Variants in ZNF212 observed in about 807,000 individuals in gnomAD.
The protein encoded by ZNF212 is Zinc finger protein C2H2-150.
Under a neutral mutation model 47.3 loss-of-function variants are expected in ZNF212, and 32 were observed. That is an observed-to-expected ratio of 0.68 (90% CI 0.51 to 0.91). ZNF212 has a LOEUF of 0.91. Among genes scored for constraint, ZNF212 ranks in the 40% least tolerant of loss-of-function variants. The pLI is 0.00. For missense variants in ZNF212, 555 were observed against 622.8 expected, an observed-to-expected ratio of 0.89 and a Z score of 1.16; for synonymous variants, 242 against 253.8, an observed-to-expected ratio of 0.95 and a Z score of 0.44.
At chr7:149,243,735 A>G (rs1796633798) in intron 1 of ZNF212, among the ~76,000 whole-genome samples, 1 of 152,202 alleles carries the variant, frequency 6.6e-6, no homozygotes, top group Admixed American at 6.5e-5. Context: ...TCACTGTTAT[A>G]ATAGGAGATT....
chr7:149,246,813 CTTTT>C (rs71194633), intron 1 of ZNF212, among the ~76,000 whole-genome samples: 3 of 103,588 alleles, frequency 2.9e-5, no homozygotes, highest in Admixed American at 1.2e-4. Context: ...TGTCTGAATT[CTTTT>C]TTTTTTTTTT....
intron 1 of ZNF212, among the ~76,000 whole-genome samples, chr7:149,245,514 G>A (rs779920118): frequency 5.7e-4 from 86 of 152,068 alleles, no homozygotes; most frequent in Non-Finnish European, 9.9e-4. Context: ...GAGTGAGACC[G>A]TGTCTTTATT....
chr7:149,239,863 G>C, intron 1 of ZNF212, 61 bp downstream of exon 1: 1 of 1,260,712 alleles, frequency 7.9e-7, no homozygotes, highest in Non-Finnish European at 1.0e-6. Flanking sequence ...TCCCCTGCCG[G>C]GGGCGGGGCT....
chr7:149,240,619 A>C (rs1751600985), intron 1 of ZNF212, among the ~76,000 whole-genome samples: 1 of 152,188 alleles, frequency 6.6e-6, no homozygotes, highest in South Asian at 2.1e-4. Flanking sequence ...GTTTCCTTCC[A>C]GCTCCGACAT....
intron 1 of ZNF212, among the ~76,000 whole-genome samples, chr7:149,244,624 T>C (rs1212815522): frequency 2.0e-5 from 3 of 152,326 alleles, no homozygotes; most frequent in African/African-American, 7.2e-5. Context: ...GAAATGATTT[T>C]TTTAATCCAT....
chr7:149,245,291 G>A (rs1032812690), intron 1 of ZNF212, among the ~76,000 whole-genome samples: 2 of 149,564 alleles, frequency 1.3e-5, no homozygotes, highest in Non-Finnish European at 3.0e-5. Flanking sequence ...AGAGGTTGCA[G>A]TAAGCTGAGA....
intron 4 of ZNF212, among the ~76,000 whole-genome samples, chr7:149,253,172 C>A (rs184752859): frequency 1.3e-5 from 2 of 151,904 alleles, no homozygotes; most frequent in African/African-American, 4.8e-5. Flanking sequence ...CAGAGCTGGA[C>A]ATGAATTCTT....
intron 4 of ZNF212, 104 bp downstream of exon 4, chr7:149,252,899 T>A: frequency 9.1e-7 from 1 of 1,102,560 alleles, no homozygotes; most frequent in South Asian, 1.4e-5. Context: ...TGACCTCATC[T>A]GGCATCTGCT....
intron 1 of ZNF212, among the ~76,000 whole-genome samples, chr7:149,240,319 C>T (rs1019042442): frequency 1.1e-4 from 16 of 152,026 alleles, no homozygotes; most frequent in African/African-American, 2.9e-4. Flanking sequence ...TCCTTGGGGA[C>T]GGATGTTATC....
At position 149,253,923 on chromosome 7, in the gene ZNF212, C is replaced by T; in HGVS notation, c.996C>T (p.Ala332=). 3 of 1,613,980 alleles carry T rather than the reference C, an allele frequency of 1.9e-6. No individual in the cohort carries two copies. The highest frequency in any genetic ancestry group is 2.5e-6 in the Non-Finnish European group (3 of 1,180,004). ...EITFRYKQQL[A]THLRSHSGWG... ...CCTTCCGCTATAAGCAGCAGCTGGC[C>T]ACACATCTGCGCAGCCACTCTGGGT... Residue 332 remains alanine (A), a synonymous_variant, in exon 5 of 5, where the codon GCC becomes GCT. Transcript: ENST00000335870.
rs1047834343 is a variant in ZNF212 at position 149,250,722 on chromosome 7, G to T, written c.456G>T (p.Glu152Asp). ...AGAATGATGGCGTCTGTTTCACCGA[G>T]CAGGAATGGGAGAATCTGGAGGATT... is the stretch of plus-strand genomic sequence containing the variant. ...SLENDGVCFT[E>D]QEWENLEDWQ... Residue 152 changes from glutamate to aspartate, a missense_variant, in exon 3 of 5, where the codon GAG becomes GAT. Coordinates refer to ENST00000335870, the MANE Select transcript of ZNF212 (RefSeq NM_012256.4). 3.1e-6 allele frequency: 5 copies of T among 1,614,126 alleles called. No individual in the cohort carries two copies. The highest frequency in any genetic ancestry group is 3.3e-5 in the Admixed American group (2 of 60,010).
chr7:149,248,726 T>C (rs578065679), intron 1 of ZNF212, among the ~76,000 whole-genome samples: 2 of 152,288 alleles, frequency 1.3e-5, no homozygotes, highest in East Asian at 3.9e-4. Flanking sequence ...ATATATCCAG[T>C]TTAATATTTT....
rs931164486 is a variant in ZNF212, at chr7:149,247,063, C to T, written c.25-3096C>T. ...CCAACCTCAGGTGATCCGCCCGCCT[C>T]GGCCTCCCAAAGTGCTGGGATTTTA... On this transcript the variant is annotated intron_variant, in intron 1 of 4. Transcript: ENST00000335870. 7.3e-5 allele frequency among the ~76,000 whole-genome samples: 11 copies of T among 151,692 alleles called. No individual in the cohort carries two copies. In the East Asian group the frequency reaches 9.7e-4, roughly 13 times the overall value.
intron 1 of ZNF212, among the ~76,000 whole-genome samples, chr7:149,247,198 T>G (rs1796691773): frequency 6.6e-6 from 1 of 151,286 alleles, no homozygotes; most frequent in Admixed American, 6.6e-5. Context: ...AACCTTGAAC[T>G]CCAGGGCTCA....
intron 1 of ZNF212, among the ~76,000 whole-genome samples, chr7:149,242,056 T>G (rs1258031780): frequency 1.4e-5 from 2 of 147,512 alleles, no homozygotes; most frequent in Admixed American, 6.8e-5. Flanking sequence ...AGTCTCGCTC[T>G]CTTGCTCTGG....
intron 1 of ZNF212, 146 bp from the exon 2 acceptor site, chr7:149,250,012 TC>T (rs1421479121): frequency 1.2e-5 from 8 of 661,658 alleles, no homozygotes; most frequent in Non-Finnish European, 1.7e-5. Flanking sequence ...TAATACAATA[TC>T]TATGTATAAT....
chr7:149,250,999 GGTCC>G (rs1421225887), intron 3 of ZNF212, among the ~76,000 whole-genome samples, 192 bp downstream of exon 3: 2 of 151,758 alleles, frequency 1.3e-5, no homozygotes, highest in Non-Finnish European at 2.9e-5. Context: ...CCAGTCTCTA[GGTCC>G]TCCCATTTAC....
At position 149,240,142 on chromosome 7, in the gene ZNF212, A is replaced by G. The variant is rs748273042; in HGVS notation, c.24+340A>G. On this transcript the variant is annotated intron_variant, in intron 1 of 4. Transcript: ENST00000335870. ...CAGGTTGGAGTGTTTCCAGATTGGAAACGGTCTCCGTCGCTACGAGTGAGC... is the reference window on the plus strand; with the variant it reads ...CAGGTTGGAGTGTTTCCAGATTGGAGACGGTCTCCGTCGCTACGAGTGAGC... 26 of 279,310 alleles carry G rather than the reference A, an allele frequency of 9.3e-5. 1 individual carries two copies. Among genetic ancestry groups the G allele is most frequent in the Non-Finnish European group, 1.6e-4 (24 of 150,308 alleles). 17.3% of individuals were successfully genotyped at this position (279,310 alleles called of 1,614,324 possible). A position where few individuals can be genotyped will look rare whatever the true frequency, so the allele number is the denominator to read the frequency against.
Position 149,255,102 on chromosome 7 carries a change from CG to C in ZNF212, c.*688del, listed in dbSNP as rs1796816614. On this transcript the variant is annotated 3_prime_UTR_variant, in exon 5 of 5. Coordinates refer to ENST00000335870, the MANE Select transcript of ZNF212 (RefSeq NM_012256.4). ...CAGGGGACACGGTGCTAGGTTCCCT[CG>C]TGCAGTGCCTGGTGCTCTCAAATTG... is the stretch of plus-strand genomic sequence containing the variant. The C allele has an allele frequency of 6.6e-6, 1 of 152,144 alleles. No individual in the cohort carries two copies. The allele number at this position is 152,144 out of a possible 1,614,324, so 9.4% of individuals were successfully genotyped here.
Sources: allele counts gnomAD v4.1 joint callset (sites outside exome capture counted in the v4.1 genomes callset), GRCh38; gene constraint gnomAD v4.1.1; transcripts MANE v1.5; gene names NCBI Gene and HGNC (gene_info 2026-07-23, HGNC 2026-07-21).